ERO1B: variants seen among roughly 807,000 people sequenced by gnomAD.
ERO1B encodes endoplasmic reticulum oxidoreductase 1 beta, also known as ERO1-like protein beta.
ERO1B carries 49 observed loss-of-function variants against 75.3 expected under a neutral mutation model. That is an observed-to-expected ratio of 0.65 (90% confidence interval 0.52 to 0.83). The LOEUF is 0.83. ERO1B is among the 40% of genes least tolerant of loss of function. ERO1B has a pLI of 0.00. For synonymous variants in ERO1B, 191 were observed against 192.9 expected, an observed-to-expected ratio of 0.99 and a Z score of 0.08; for missense variants, 512 against 560.1, an observed-to-expected ratio of 0.91 and a Z score of 0.87.
intron 5 of ERO1B, among the ~76,000 whole-genome samples, chr1:236,248,356 AC>A (rs1357695355): frequency 6.6e-6 from 1 of 152,244 alleles, no homozygotes; most frequent in East Asian, 1.9e-4. Flanking sequence ...CACACCAAGT[AC>A]TATGGAATGT....
intron 13 of ERO1B, 43 bp from the exon 14 acceptor site, chr1:236,222,053 A>G (rs761949129): frequency 2.8e-6 from 4 of 1,446,736 alleles, no homozygotes; most frequent in East Asian, 4.6e-5. Flanking sequence ...GACTTTTAAA[A>G]TTGAACCGCA....
At chr1:236,268,915 C>CAT (rs1347841870) in intron 2 of ERO1B, among the ~76,000 whole-genome samples, 1 of 151,190 alleles carries the variant, frequency 6.6e-6, no homozygotes, top group Non-Finnish European at 1.5e-5. Flanking sequence ...AAAACAAAAA[C>CAT]ATATATATAT....
At chr1:236,259,620 A>C (rs995018856) in intron 2 of ERO1B, among the ~76,000 whole-genome samples, 7 of 152,244 alleles carry the variant, frequency 4.6e-5, no homozygotes, top group Non-Finnish European at 1.0e-4. Flanking sequence ...ACTTTAAGTC[A>C]AACATGTAAA....
At chr1:236,260,845 C>T (rs1665278251) in intron 2 of ERO1B, among the ~76,000 whole-genome samples, 1 of 129,942 alleles carries the variant, frequency 7.7e-6, no homozygotes, top group East Asian at 2.5e-4. Flanking sequence ...GAAAAAGACA[C>T]TACAAAAAAA....
intron 6 of ERO1B, among the ~76,000 whole-genome samples, chr1:236,237,116 C>CTTTTTT (rs67072171): frequency 2.8e-5 from 3 of 105,482 alleles, no homozygotes; most frequent in Non-Finnish European, 5.6e-5. Flanking sequence ...ACTATTTGGA[C>CTTTTTT]TTTTTTTTTT....
intron 2 of ERO1B, among the ~76,000 whole-genome samples, chr1:236,254,487 A>G (rs1665113646): frequency 6.6e-6 from 1 of 152,182 alleles, no homozygotes. Context: ...TAAACTCTGC[A>G]GCAAGCTCCA....
At chr1:236,273,588 G>A (rs1048069931) in intron 1 of ERO1B, among the ~76,000 whole-genome samples, 7 of 151,910 alleles carry the variant, frequency 4.6e-5, no homozygotes, top group Non-Finnish European at 1.0e-4. Flanking sequence ...ACTTTGGGAG[G>A]CGGACACAGG....
At chr1:236,234,970 C>A (rs1400982617) in intron 8 of ERO1B, among the ~76,000 whole-genome samples, 1 of 152,174 alleles carries the variant, frequency 6.6e-6, no homozygotes, top group East Asian at 1.9e-4. Flanking sequence ...AGTATACACA[C>A]ACTACAACAA....
At chr1:236,220,688 AG>A in intron 15 of ERO1B, 143 bp downstream of exon 15, 1 of 672,362 alleles carries the variant, frequency 1.5e-6, no homozygotes, top group Non-Finnish European at 2.2e-6. Flanking sequence ...GTCAGCATTA[AG>A]GCCTCTCTAA....
intron 2 of ERO1B, among the ~76,000 whole-genome samples, chr1:236,262,566 ATT>A (rs59083118): frequency 0.25 from 37,672 of 150,020 alleles, 4,851 homozygotes; most frequent in East Asian, 0.38. Context: ...CTACTGCCTA[ATT>A]TTTTTTTTGT....
rs369410042 is a variant in ERO1B at position 236,243,254 on chromosome 1, C to T, written c.505+168G>A. Among the ~76,000 whole-genome samples the T allele has an allele frequency of 5.6e-4, 86 of 152,234 alleles. 1 individual carries two copies. The South Asian group carries it at 0.018, about 31-fold the overall frequency. On this transcript the variant is annotated intron_variant, in intron 6 of 15. Coordinates refer to ENST00000354619, the MANE Select transcript of ERO1B (RefSeq NM_019891.4). ...GAAATAATGTATTTAAGGCACTTAA[C>T]ATAGGGCCTGGAACACAGGCTCTCA...
chr1:236,260,942 C>T (rs531040369), intron 2 of ERO1B, among the ~76,000 whole-genome samples: 1 of 151,946 alleles, frequency 6.6e-6, no homozygotes, highest in East Asian at 1.9e-4. Context: ...AATCCAAGAG[C>T]ATAGTAAAAA....
chr1:236,262,734 T>A (rs976589688), intron 2 of ERO1B, among the ~76,000 whole-genome samples: 1 of 152,168 alleles, frequency 6.6e-6, no homozygotes, highest in Non-Finnish European at 1.5e-5. Context: ...AATTTAAAGC[T>A]AATTTTTTAA....
At chr1:236,228,109 G>A (rs905043654) in intron 10 of ERO1B, among the ~76,000 whole-genome samples, 9 of 152,080 alleles carry the variant, frequency 5.9e-5, no homozygotes, top group African/African-American at 1.9e-4. Flanking sequence ...CAGTGCTTAT[G>A]TCCAATAAAA....
At chr1:236,225,041 AC>A (rs1486377183) in intron 13 of ERO1B, 28 bp downstream of exon 13, 9 of 1,606,392 alleles carry the variant, frequency 5.6e-6, no homozygotes, top group Non-Finnish European at 6.8e-6. Context: ...ACTGCTCCCA[AC>A]CCCGTGTCCC....
In ERO1B at chr1:236,236,222, C is replaced by G. The variant is rs746006455; in HGVS notation, c.626+56G>C. ...GATTACAGGCGTGAGCCACAGCACC[C>G]GGCCTCTCCCGACCCTCTATCAGTC... is the stretch of plus-strand genomic sequence containing the variant. On this transcript the variant is annotated intron_variant, in intron 7 of 15. Coordinates refer to ENST00000354619, the MANE Select transcript of ERO1B (RefSeq NM_019891.4). 5.6e-6 allele frequency: 9 copies of G among 1,604,694 alleles called. 1 individual carries two copies. The South Asian group carries it at 8.9e-5, about 16-fold the overall frequency.
intron 1 of ERO1B, among the ~76,000 whole-genome samples, chr1:236,277,357 T>C (rs1665731277): frequency 6.7e-6 from 1 of 148,572 alleles, no homozygotes; most frequent in Non-Finnish European, 1.5e-5. Context: ...TGAACTGAGA[T>C]CGAGCCACTG....
At chr1:236,221,768 T>C (rs1558504562) in intron 14 of ERO1B, 156 bp downstream of exon 14, 7 of 448,704 alleles carry the variant, frequency 1.6e-5, no homozygotes, top group Non-Finnish European at 2.6e-5. Context: ...GTAACACATA[T>C]ACTTTAATTT....
rs896603921 is a variant in ERO1B, at chr1:236,216,482, T to C, written c.*2034A>G. The C allele has an allele frequency of 1.3e-5, 2 of 152,148 alleles. No homozygotes were observed. The highest frequency in any genetic ancestry group is 2.9e-5 in the Non-Finnish European group (2 of 67,996). The allele number at this position is 152,148 out of a possible 1,614,324, so 9.4% of individuals were successfully genotyped here. Reference sequence around the variant, plus strand: ...AATAAGATGAATTTCAGCCTAAGAATACTTCATTTATTTTCTTAGTTGTGA... The same window carrying C: ...AATAAGATGAATTTCAGCCTAAGAACACTTCATTTATTTTCTTAGTTGTGA... On this transcript the variant is annotated 3_prime_UTR_variant, in exon 16 of 16. Coordinates refer to ENST00000354619, the MANE Select transcript of ERO1B (RefSeq NM_019891.4).
Sources: allele counts gnomAD v4.1 joint callset (sites outside exome capture counted in the v4.1 genomes callset), GRCh38; gene constraint gnomAD v4.1.1; transcripts MANE v1.5; gene names NCBI Gene and HGNC (gene_info 2026-07-23, HGNC 2026-07-21).